The following FRMD6 variants were observed in gnomAD, a reference collection of about 807,000 sequenced individuals.
FRMD6 encodes the protein FERM domain containing 6.
A neutral mutation model predicts 73.2 loss-of-function variants in FRMD6; 37 were observed. The ratio of observed to expected loss-of-function variants is 0.51; its 90% confidence interval spans 0.39 to 0.66. The LOEUF (loss-of-function observed/expected upper bound fraction) is 0.66. Among genes scored for constraint, FRMD6 ranks in the 30% least tolerant of loss-of-function variants. The pLI is 0.00. For synonymous variants in FRMD6, 273 were observed against 282.2 expected, an observed-to-expected ratio of 0.97 and a Z score of 0.33; for missense variants, 714 against 780.5, an observed-to-expected ratio of 0.91 and a Z score of 1.02.
At chr14:51,598,064 A>C (rs920326234) in intron 2 of FRMD6, among the ~76,000 whole-genome samples, 1 of 152,220 alleles carries the variant, frequency 6.6e-6, no homozygotes, top group African/African-American at 2.4e-5. Flanking sequence ...TCCCCAGTGG[A>C]AAATTCCCTA....
Position 51,687,840 on chromosome 14 carries a change from TA to T in FRMD6, c.-146-1850del, listed in dbSNP as rs59103285. 9.2e-3 allele frequency among the ~76,000 whole-genome samples: 1,395 copies of T among 152,302 alleles called. 21 individuals are homozygous for T. The highest frequency in any genetic ancestry group is 0.032 in the African/African-American group (1,331 of 41,556). On this transcript the variant is annotated intron_variant, in intron 1 of 13. Transcript: ENST00000344768. Reference sequence around the variant, plus strand: ...AAGATGATGTGATATTCACCTATATTACTTTTTCCCAATTCTCTATCTTTAA... The same window carrying T: ...AAGATGATGTGATATTCACCTATATTCTTTTTCCCAATTCTCTATCTTTAA...
chr14:51,643,903 C>T (rs973031386), intron 2 of FRMD6, among the ~76,000 whole-genome samples: 1 of 152,146 alleles, frequency 6.6e-6, no homozygotes, highest in Non-Finnish European at 1.5e-5. Flanking sequence ...CTAGTAAAAT[C>T]CTGCTAATAA....
chr14:51,569,264 G>C (rs1187136092), intron 1 of FRMD6, among the ~76,000 whole-genome samples: 3 of 152,034 alleles, frequency 2.0e-5, no homozygotes, highest in African/African-American at 4.8e-5. Flanking sequence ...TTGGTAATCA[G>C]AAAAAGAAAT....
the FRMD6 span, among the ~76,000 whole-genome samples, chr14:51,420,322 A>G: frequency 1.8e-4 from 28 of 152,244 alleles, no homozygotes; most frequent in African/African-American, 6.5e-4. Context: ...AACAACAAAA[A>G]CTAAAACATA....
chr14:51,727,053 T>C (rs1434491908), intron 13 of FRMD6, among the ~76,000 whole-genome samples: 1 of 152,158 alleles, frequency 6.6e-6, no homozygotes, highest in African/African-American at 2.4e-5. Flanking sequence ...CCCTGCTGTG[T>C]ACAGCATTTG....
the FRMD6 span, among the ~76,000 whole-genome samples, chr14:51,447,750 C>T: frequency 6.6e-6 from 1 of 152,328 alleles, no homozygotes; most frequent in East Asian, 1.9e-4. Context: ...CCTCACTCCC[C>T]AGCTGTCTCA....
intron 1 of FRMD6, among the ~76,000 whole-genome samples, chr14:51,512,824 A>G (rs1596520780): frequency 2.0e-5 from 3 of 152,262 alleles, no homozygotes; most frequent in South Asian, 4.1e-4. Flanking sequence ...GTGGTGAGGC[A>G]ACTGTAGAGA....
the FRMD6 span, among the ~76,000 whole-genome samples, chr14:51,439,874 T>G: frequency 6.6e-6 from 1 of 152,260 alleles, no homozygotes. Flanking sequence ...TCCAGGAATA[T>G]GCCCACTGTC....
At chr14:51,641,253 T>C (rs1243856265) in intron 2 of FRMD6, among the ~76,000 whole-genome samples, 1 of 152,218 alleles carries the variant, frequency 6.6e-6, no homozygotes, top group Admixed American at 6.5e-5. Flanking sequence ...AGTGCTGGGA[T>C]TACAGGTGTG....
intron 2 of FRMD6, among the ~76,000 whole-genome samples, chr14:51,642,434 G>A (rs2140035899): frequency 6.6e-6 from 1 of 152,234 alleles, no homozygotes; most frequent in South Asian, 2.1e-4. Flanking sequence ...CAGCTACTTG[G>A]GAGACTGAGG....
the FRMD6 span, among the ~76,000 whole-genome samples, chr14:51,460,362 A>G: frequency 1.4e-4 from 21 of 152,336 alleles, no homozygotes; most frequent in African/African-American, 5.0e-4. Flanking sequence ...CTTCCCATTC[A>G]GGGACTTTGC....
At chr14:51,708,578 C>T (rs916719517) in intron 7 of FRMD6, among the ~76,000 whole-genome samples, 14 of 152,084 alleles carry the variant, frequency 9.2e-5, no homozygotes, top group Non-Finnish European at 1.8e-4. Flanking sequence ...TTTGCAACTT[C>T]TTTGATAAGT....
intron 11 of FRMD6, among the ~76,000 whole-genome samples, chr14:51,721,482 C>T (rs1367138913): frequency 1.3e-5 from 2 of 152,158 alleles, no homozygotes; most frequent in Non-Finnish European, 1.5e-5. Context: ...TAGTGGCGCG[C>T]GTCTTCAGTC....
the FRMD6 span, among the ~76,000 whole-genome samples, chr14:51,412,996 T>A: frequency 2.7e-4 from 41 of 149,172 alleles, no homozygotes; most frequent in South Asian, 1.1e-3. Flanking sequence ...TTAAATTTTT[T>A]TTTTTTTTTT....
In FRMD6 at chr14:51,715,498, A is replaced by C; in HGVS notation, c.1023A>C (p.Glu341Asp). The C allele has an allele frequency of 1.9e-6, 3 of 1,607,592 alleles. No homozygotes were observed. The highest frequency in any genetic ancestry group is 2.6e-6 in the Non-Finnish European group (3 of 1,176,192). ...ATATCCGGAAGCTGGAGGAAAACGA[A>C]GGTATTGCAGGGTCTGGGGTGTGGA... ...LRHIRKLEEN[E>D]EKKQYRESYI... The change falls in exon 10 of 14, where the codon GAA becomes GAC. Residue 341 changes from glutamate (E) to aspartate (D), a missense_variant and splice_region_variant. Transcript: ENST00000344768.
At chr14:51,475,218 C>G in the FRMD6 span, among the ~76,000 whole-genome samples, 2 of 152,198 alleles carry the variant, frequency 1.3e-5, no homozygotes, top group East Asian at 3.8e-4. Flanking sequence ...ATCCAGGAGA[C>G]TATGCCATTT....
At position 51,577,206 on chromosome 14, in the gene FRMD6, TG is replaced by T. The variant is rs542239902; in HGVS notation, c.-147+6797del. Reference sequence around the variant, plus strand: ...TCAGAAGGGAGTGGGTGGGAAAACATGTAGCTAAAAAGGGCTTAGGAGCCCT... The same window carrying T: ...TCAGAAGGGAGTGGGTGGGAAAACATTAGCTAAAAAGGGCTTAGGAGCCCT... On this transcript the variant is annotated intron_variant, in intron 2 of 14. Coordinates refer to the FRMD6 transcript ENST00000356218. Among the ~76,000 whole-genome samples the T allele has an allele frequency of 1.9e-3, 294 of 152,104 alleles. 2 individuals are homozygous for T. Among genetic ancestry groups the T allele is most frequent in the African/African-American group, 6.9e-3 (287 of 41,492 alleles).
chr14:51,726,771 C>T (rs1897979215), intron 13 of FRMD6, among the ~76,000 whole-genome samples: 1 of 152,090 alleles, frequency 6.6e-6, no homozygotes, highest in Non-Finnish European at 1.5e-5. Context: ...TGTGTGAAAT[C>T]CTGTTGGAGT....
intron 2 of FRMD6, among the ~76,000 whole-genome samples, chr14:51,599,058 CTTTTTTTTTT>C (rs59151771): frequency 2.7e-5 from 2 of 72,822 alleles, no homozygotes; most frequent in South Asian, 5.5e-4. Flanking sequence ...CAGTATCTGT[CTTTTTTTTTT>C]TTTTTTTTTT....
Sources: gnomAD v4.1 joint callset for allele counts (sites outside exome capture counted in the v4.1 genomes callset) on GRCh38, gnomAD v4.1.1 for gene constraint, MANE v1.5 for transcripts, NCBI Gene and HGNC (gene_info 2026-07-23, HGNC 2026-07-21) for gene names.